CNTN4: variants seen among roughly 807,000 people sequenced by gnomAD.
CNTN4 encodes the protein contactin-4.
A neutral mutation model predicts 122.5 loss-of-function variants in CNTN4; 77 were observed. That is an observed-to-expected ratio of 0.63 (90% confidence interval 0.52 to 0.76). CNTN4 has a LOEUF of 0.76. Among genes scored for constraint, CNTN4 ranks in the 30% least tolerant of loss-of-function variants. The pLI, the probability that CNTN4 is intolerant of heterozygous loss-of-function variation, is 0.00. For missense variants in CNTN4, 1,256 were observed against 1,259.1 expected (o/e 1.00, Z 0.04); for synonymous variants, 512 against 447.0 (o/e 1.15, Z -1.83).
intron 4 of CNTN4, among the ~76,000 whole-genome samples, chr3:2,608,029 G>A (rs550178882): frequency 1.3e-4 from 20 of 152,224 alleles, no homozygotes; most frequent in African/African-American, 4.6e-4. Context: ...CTTTAGGCGT[G>A]ATGCTTAATT....
At chr3:2,162,030 A>G (rs986655874) in intron 2 of CNTN4, among the ~76,000 whole-genome samples, 2 of 152,182 alleles carry the variant, frequency 1.3e-5, no homozygotes, top group African/African-American at 4.8e-5. Context: ...TGTCTGTTAA[A>G]ATTGTATCTT....
chr3:2,112,372 T>G lies in CNTN4; in HGVS notation c.-145+11733T>G, dbSNP rs1559252403. On this transcript the variant is annotated intron_variant, in intron 2 of 24. Coordinates refer to ENST00000418658, the MANE Select transcript of CNTN4 (RefSeq NM_175607.3). Reference sequence around the variant, plus strand: ...ACAGTACTGGGAAATGAATTTCTGTTTACTCCAGAGAATAGCAGTCACTTT... The same window carrying G: ...ACAGTACTGGGAAATGAATTTCTGTGTACTCCAGAGAATAGCAGTCACTTT... 2.6e-5 allele frequency among the ~76,000 whole-genome samples: 4 copies of G among 152,314 alleles called. No individual in the cohort carries two copies. The South Asian group carries it at 6.2e-4, about 24-fold the overall frequency.
At chr3:2,265,899 A>G (rs2041024645) in intron 2 of CNTN4, among the ~76,000 whole-genome samples, 1 of 151,824 alleles carries the variant, frequency 6.6e-6, no homozygotes. Flanking sequence ...AACACTACTG[A>G]TTTTTGTATG....
chr3:2,849,199 A>G (rs2093505124), intron 7 of CNTN4, among the ~76,000 whole-genome samples: 1 of 152,198 alleles, frequency 6.6e-6, no homozygotes, highest in African/African-American at 2.4e-5. Context: ...ATATCCCACT[A>G]TGTCCCTAGT....
chr3:2,935,182 G>A (rs2094557260), intron 13 of CNTN4, among the ~76,000 whole-genome samples: 1 of 152,234 alleles, frequency 6.6e-6, no homozygotes, highest in Non-Finnish European at 1.5e-5. Flanking sequence ...GACTAAATCC[G>A]GTGACTACCT....
intron 4 of CNTN4, among the ~76,000 whole-genome samples, chr3:2,660,027 A>C (rs535578413): frequency 1.8e-4 from 28 of 152,218 alleles, no homozygotes; most frequent in Non-Finnish European, 3.1e-4. Flanking sequence ...TCTGATGCAC[A>C]GTCACTGGGC....
intron 14 of CNTN4, among the ~76,000 whole-genome samples, chr3:2,995,124 G>A (rs539317489): frequency 6.6e-6 from 1 of 152,184 alleles, no homozygotes; most frequent in Non-Finnish European, 1.5e-5. Context: ...CATCTGGCCA[G>A]AACATTTCAA....
chr3:2,571,489 C>T lies in CNTN4; in HGVS notation c.-15C>T, dbSNP rs757040256. 6.2e-7 allele frequency: 1 copy of T among 1,608,496 alleles called. No homozygotes were observed. The highest frequency in any genetic ancestry group is 8.5e-7 in the Non-Finnish European group (1 of 1,174,858). ...TTATTGGACTTGAAACTCCCTTTGA[C>T]CTCGGAAACTGAAGATGAGGTTGCC... is the stretch of plus-strand genomic sequence containing the variant. On this transcript the variant is annotated 5_prime_UTR_variant, in exon 4 of 25. Coordinates refer to ENST00000418658, the MANE Select transcript of CNTN4 (RefSeq NM_175607.3).
intron 10 of CNTN4, among the ~76,000 whole-genome samples, chr3:2,889,165 G>C (rs2094010335): frequency 6.6e-6 from 1 of 152,166 alleles, no homozygotes; most frequent in Admixed American, 6.5e-5. Flanking sequence ...CTATGAGCCA[G>C]CCTTCAATGA....
chr3:2,277,473 G>C (rs2041558347), intron 2 of CNTN4, among the ~76,000 whole-genome samples: 1 of 152,116 alleles, frequency 6.6e-6, no homozygotes, highest in Admixed American at 6.5e-5. Flanking sequence ...GTTTTCAGCA[G>C]GTTCTATTTG....
At chr3:2,697,473 G>A (rs992117138) in intron 4 of CNTN4, among the ~76,000 whole-genome samples, 3 of 152,196 alleles carry the variant, frequency 2.0e-5, no homozygotes, top group Non-Finnish European at 4.4e-5. Context: ...GTGGAAAGGA[G>A]ATGTGCCTAC....
intron 3 of CNTN4, among the ~76,000 whole-genome samples, chr3:2,367,283 A>G (rs73102026): frequency 0.027 from 4,175 of 152,304 alleles, 189 homozygotes; most frequent in African/African-American, 0.094. Flanking sequence ...TGCAATATAT[A>G]TAAGTTGCTT....
intron 6 of CNTN4, among the ~76,000 whole-genome samples, chr3:2,764,999 C>A (rs1454112838): frequency 1.3e-5 from 2 of 152,146 alleles, no homozygotes; most frequent in African/African-American, 2.4e-5. Flanking sequence ...ACTATACTGG[C>A]TTTCTGATAT....
intron 2 of CNTN4, among the ~76,000 whole-genome samples, chr3:2,285,787 A>T (rs557049286): frequency 6.6e-6 from 1 of 152,254 alleles, no homozygotes; most frequent in South Asian, 2.1e-4. Context: ...ATACATGATT[A>T]TGTATTTCTC....
intron 2 of CNTN4, among the ~76,000 whole-genome samples, chr3:2,309,561 C>A (rs986515330): frequency 2.0e-5 from 3 of 152,090 alleles, no homozygotes; most frequent in African/African-American, 7.2e-5. Context: ...CCATCAACAT[C>A]CCTGCAGTCC....
chr3:2,322,335 C>T (rs894513653), intron 2 of CNTN4, among the ~76,000 whole-genome samples: 1 of 152,090 alleles, frequency 6.6e-6, no homozygotes, highest in African/African-American at 2.4e-5. Context: ...ATGGTGTAAA[C>T]ATAGGACGGA....
At chr3:2,995,771 G>T (rs1253789935) in intron 14 of CNTN4, among the ~76,000 whole-genome samples, 1 of 152,108 alleles carries the variant, frequency 6.6e-6, no homozygotes, top group Admixed American at 6.5e-5. Flanking sequence ...GAGGAAAATG[G>T]TACTCACACA....
At chr3:2,561,302 G>T (rs934549751) in intron 3 of CNTN4, among the ~76,000 whole-genome samples, 1 of 152,140 alleles carries the variant, frequency 6.6e-6, no homozygotes, top group South Asian at 2.1e-4. Flanking sequence ...GCGAGCAGAA[G>T]GAAAACAAAC....
rs550206572 is a variant in CNTN4, at chr3:2,273,343, T to A, written c.-144-65835T>A. On this transcript the variant is annotated intron_variant, in intron 2 of 24. Transcript: ENST00000418658. ...CCTTCAGTCCTATTCTGTGTATCTA[T>A]CTAGTCATTGTCCCAGTGAAATGAT... 3.9e-5 allele frequency among the ~76,000 whole-genome samples: 6 copies of A among 152,340 alleles called. No individual in the cohort carries two copies. In the East Asian group the frequency reaches 1.2e-3, roughly 29 times the overall value.
Sources: allele counts gnomAD v4.1 joint callset (sites outside exome capture counted in the v4.1 genomes callset), GRCh38; gene constraint gnomAD v4.1.1; transcripts MANE v1.5; gene names NCBI Gene and HGNC (gene_info 2026-07-23, HGNC 2026-07-21).